HMCN2: variants seen among roughly 807,000 people sequenced by gnomAD.
HMCN2 encodes the protein hemicentin 2.
Under a neutral mutation model 377.5 loss-of-function variants are expected in HMCN2, and 325 were observed. That is an observed-to-expected ratio of 0.86 (90% CI 0.79 to 0.94). The LOEUF (loss-of-function observed/expected upper bound fraction) is 0.94. HMCN2 is among the 40% of genes least tolerant of loss of function. The pLI, the probability that HMCN2 is intolerant of heterozygous loss-of-function variation, is 0.00. For missense variants in HMCN2, 4,543 were observed against 4,725.3 expected, an observed-to-expected ratio of 0.96 and a Z score of 1.13; for synonymous variants, 2,007 against 2,046.8, an observed-to-expected ratio of 0.98 and a Z score of 0.53.
intron 76 of HMCN2, among the ~76,000 whole-genome samples, 176 bp downstream of exon 76, chr9:130,399,808 A>T (rs4740375): frequency 6.6e-6 from 1 of 152,098 alleles, no homozygotes; most frequent in African/African-American, 2.4e-5. Flanking sequence ...CCCCAGCTCC[A>T]GCACAGTTCC....
At chr9:130,353,740 C>T (rs780180774) in intron 31 of HMCN2, among the ~76,000 whole-genome samples, 4 of 152,214 alleles carry the variant, frequency 2.6e-5, no homozygotes, top group Non-Finnish European at 5.9e-5. Context: ...GACTCCAGAC[C>T]TCATGCTGTG....
At chr9:130,310,346 T>G (rs1837174400) in intron 15 of HMCN2, among the ~76,000 whole-genome samples, 1 of 152,254 alleles carries the variant, frequency 6.6e-6, no homozygotes, top group African/African-American at 2.4e-5. Flanking sequence ...TGATTCTGGC[T>G]CAGGGTCCAT....
intron 66 of HMCN2, among the ~76,000 whole-genome samples, chr9:130,392,740 G>T (rs1483358177): frequency 1.4e-5 from 2 of 141,584 alleles, no homozygotes. Flanking sequence ...GCTCACGCCT[G>T]TAATCCAGCA....
At position 130,425,215 on chromosome 9, in the gene HMCN2, G is replaced by A. The variant is rs1844258023; in HGVS notation, c.13641+85G>A. ...GCTCTCAACCACCCCTGAGCAGCCA[G>A]GCCCACTCTCCCTTCTGACAGCGCT... On this transcript the variant is annotated intron_variant, in intron 89 of 97. Coordinates refer to ENST00000683500, the MANE Select transcript of HMCN2 (RefSeq NM_001291815.2). The A allele has an allele frequency of 2.1e-6, 3 of 1,407,638 alleles. 1 individual carries two copies. Among genetic ancestry groups the A allele is most frequent in the East Asian group, 5.1e-5 (2 of 39,600 alleles). 87.2% of individuals were successfully genotyped at this position (1,407,638 alleles called of 1,614,324 possible). A position where few individuals can be genotyped will look rare whatever the true frequency, so the allele number is the denominator to read the frequency against.
chr9:130,288,038 G>A (rs1012402636), intron 4 of HMCN2, among the ~76,000 whole-genome samples: 3 of 152,308 alleles, frequency 2.0e-5, no homozygotes, highest in Admixed American at 1.3e-4. Context: ...CCCTCGCACC[G>A]AGTCACCCAA....
At chr9:130,373,162 C>T (rs1443294699) in intron 48 of HMCN2, 38 bp downstream of exon 48, 46 of 832,586 alleles carry the variant, frequency 5.5e-5, no homozygotes, top group Middle Eastern at 6.1e-4. Context: ...GGAGAAGGGG[C>T]GGGAAGGCAC....
chr9:130,358,592 G>A, intron 36 of HMCN2, 106 bp downstream of exon 36: 1 of 1,049,424 alleles, frequency 9.5e-7, no homozygotes, highest in Non-Finnish European at 1.3e-6. Flanking sequence ...AGGTTTTTCA[G>A]TCATAGTTGT....
Position 130,393,748 on chromosome 9 carries a change from CT to C in HMCN2, c.10242del (p.Val3415SerfsTer36). Reference protein sequence around the residue: ...RNFTLQVQVPPVLEPVEFQND... With the variant: ...RNFTLQVQVPXVLEPVEFQND... ...ACCTTTCTGCCCTCCATAGTGCCCC[CT>C]GTCCTGGAGCCGGTGGAGTTCCAGA... is the stretch of plus-strand genomic sequence containing the variant. On this transcript the variant is annotated frameshift_variant, in exon 68 of 98. Coordinates refer to ENST00000683500, the MANE Select transcript of HMCN2 (RefSeq NM_001291815.2). LOFTEE classifies it high-confidence loss of function. This position sits in a 1 kb window ranked among gnomAD's most constrained non-coding sequence, Gnocchi z 5.2. The C allele has an allele frequency of 4.8e-6, 6 of 1,255,658 alleles. No individual in the cohort carries two copies. Among genetic ancestry groups the C allele is most frequent in the Non-Finnish European group, 5.1e-6 (5 of 972,662 alleles). 77.8% of individuals were successfully genotyped at this position (1,255,658 alleles called of 1,614,324 possible).
chr9:130,398,782 G>A, intron 75 of HMCN2, 75 bp downstream of exon 75: 2 of 1,192,874 alleles, frequency 1.7e-6, no homozygotes, highest in South Asian at 2.7e-5. Flanking sequence ...CGGGGGCATG[G>A]GGCAGGGACG....
rs1841385470 is a variant in HMCN2, at chr9:130,376,517, C to G, written c.7920C>G (p.Ile2640Met). ...AVKNYHVEVL[I>M]PPSISKDDPL... is the part of the protein sequence containing the mutation. The stretch of plus-strand genomic sequence containing the variant: ...TCTCAGACCCCTCGTGCTTTTCAGT[C>G]CCCCCTTCCATCTCCAAAGACGACC... Residue 2640 changes from isoleucine to methionine, a missense_variant and splice_region_variant, in exon 52 of 98, where the codon ATC becomes ATG. Around this residue, in one of 5 missense-constraint regions of HMCN2, gnomAD observed 736 missense variants for 773.2 expected, o/e 0.95. Coordinates refer to ENST00000683500, the MANE Select transcript of HMCN2 (RefSeq NM_001291815.2). 2.0e-6 allele frequency: 2 copies of G among 985,574 alleles called. No individual in the cohort carries two copies. The highest frequency in any genetic ancestry group is 2.4e-6 in the Non-Finnish European group (2 of 829,850). The allele number at this position is 985,574 out of a possible 1,614,324, so 61.1% of individuals were successfully genotyped here. A position where few individuals can be genotyped will look rare whatever the true frequency, so the allele number is the denominator to read the frequency against.
At chr9:130,302,072 TGC>T (rs1836546172) in intron 8 of HMCN2, among the ~76,000 whole-genome samples, 1 of 149,896 alleles carries the variant, frequency 6.7e-6, no homozygotes. Context: ...GATGAAGTCT[TGC>T]TCTGTAGCCC....
intron 12 of HMCN2, among the ~76,000 whole-genome samples, chr9:130,306,477 T>C (rs1836864694): frequency 6.6e-6 from 1 of 152,166 alleles, no homozygotes; most frequent in African/African-American, 2.4e-5. Flanking sequence ...GAGCTCAGGC[T>C]GTATGGACCT....
At chr9:130,381,992 G>A (rs949488692) in intron 54 of HMCN2, among the ~76,000 whole-genome samples, 192 bp from the exon 55 acceptor site, 1 of 152,158 alleles carries the variant, frequency 6.6e-6, no homozygotes, top group Admixed American at 6.5e-5. Context: ...GGCACGCAGC[G>A]AGTGGTGGCT....
chr9:130,388,899 T>C (rs1842155481), intron 62 of HMCN2, among the ~76,000 whole-genome samples: 2 of 152,160 alleles, frequency 1.3e-5, no homozygotes, highest in East Asian at 1.9e-4. Context: ...CCAGAGCTGC[T>C]CCTTGGTGGT....
Position 130,303,519 on chromosome 9 carries a change from G to A in HMCN2, c.1454G>A (p.Arg485Gln), listed in dbSNP as rs782334584. ...GGAAACAGCAGCTGGGAGATCCTGC[G>A]GGCCTCCAAGGCCGAGGAGGGCACG... is the stretch of plus-strand genomic sequence containing the variant. The part of the protein sequence containing the change: ...ESGNSSWEIL[R>Q]ASKAEEGTYE... Residue 485 changes from arginine to glutamine, a missense_variant, in exon 10 of 98, where the codon CGG (arginine) becomes CAG (glutamine). Around this residue, in one of 5 missense-constraint regions of HMCN2, gnomAD observed 547 missense variants for 189.9 expected, o/e 2.88. Coordinates refer to ENST00000683500, the MANE Select transcript of HMCN2 (RefSeq NM_001291815.2). This position sits in a 1 kb window ranked among gnomAD's most constrained non-coding sequence, Gnocchi z 5.2. 19 of 446,830 alleles carry A rather than the reference G, an allele frequency of 4.3e-5. No individual in the cohort carries two copies. Among genetic ancestry groups the A allele is most frequent in the Non-Finnish European group, 8.4e-5 (18 of 213,652 alleles). The allele number at this position is 446,830 out of a possible 1,614,324, so 27.7% of individuals were successfully genotyped here. A position where few individuals can be genotyped will look rare whatever the true frequency, so the allele number is the denominator to read the frequency against.
chr9:130,341,451 G>C (rs1360472158), intron 24 of HMCN2, 86 bp downstream of exon 24: 2 of 152,308 alleles, frequency 1.3e-5, no homozygotes, highest in Non-Finnish European at 2.9e-5. Context: ...TCTGTTCCGG[G>C]CTCTGTGCCT....
At position 130,284,776 on chromosome 9, in the gene HMCN2, C is replaced by T. The variant is rs954448169; in HGVS notation, c.330+103C>T. 1.3e-5 allele frequency: 6 copies of T among 446,572 alleles called. No homozygotes were observed. In the East Asian group the frequency reaches 3.5e-4, roughly 26 times the overall value. 27.7% of individuals were successfully genotyped at this position (446,572 alleles called of 1,614,324 possible). The stretch of plus-strand genomic sequence containing the variant: ...TGATTCCCTCTTGCCCAGCCTCCAC[C>T]TCTCCCTCCTCCTGGGTGAATGTGT... On this transcript the variant is annotated intron_variant, in intron 2 of 97. Coordinates refer to ENST00000683500, the MANE Select transcript of HMCN2 (RefSeq NM_001291815.2).
At chr9:130,339,150 T>C (rs1223681703) in intron 23 of HMCN2, among the ~76,000 whole-genome samples, 13 of 152,244 alleles carry the variant, frequency 8.5e-5, no homozygotes, top group Admixed American at 1.3e-4. Flanking sequence ...ATCGTGCCAC[T>C]GTACTCCAGC....
At chr9:130,277,790 C>T (rs1455616686) in intron 1 of HMCN2, among the ~76,000 whole-genome samples, 5 of 89,272 alleles carry the variant, frequency 5.6e-5, no homozygotes, top group Non-Finnish European at 9.4e-5. Context: ...ATCACCACCA[C>T]CATCATCATC....
Sources: gnomAD v4.1 joint callset for allele counts (sites outside exome capture counted in the v4.1 genomes callset) on GRCh38, gnomAD v4.1.1 for gene constraint, gnomAD v4.1.1 regional missense constraint, Gnocchi (gnomAD v3.1) non-coding constraint, MANE v1.5 for transcripts, NCBI Gene and HGNC (gene_info 2026-07-23, HGNC 2026-07-21) for gene names.